The following RFX3 variants were observed in gnomAD, a reference collection of about 807,000 sequenced individuals.
RFX3 encodes the protein regulatory factor X3, also known as transcription factor RFX3.
A neutral mutation model predicts 98.6 loss-of-function variants in RFX3; 14 were observed. That is an observed-to-expected ratio of 0.14 (90% CI 0.09 to 0.22). The LOEUF (loss-of-function observed/expected upper bound fraction) is 0.22. RFX3 is among the 10% of genes least tolerant of loss of function. The pLI, the probability that RFX3 is intolerant of heterozygous loss-of-function variation, is 1.00. For synonymous variants in RFX3, 383 were observed against 328.4 expected (o/e 1.17, Z -1.80); for missense variants, 639 against 926.9 (o/e 0.69, Z 4.03).
intron 4 of RFX3, among the ~76,000 whole-genome samples, chr9:3,304,051 CAAGG>C (rs923797283): frequency 3.9e-5 from 6 of 151,942 alleles, no homozygotes; most frequent in African/African-American, 1.5e-4. Context: ...AGTTCTTCTA[CAAGG>C]AAGACACCAG....
chr9:3,410,941 A>G lies in RFX3; in HGVS notation c.-8-15345T>C, dbSNP rs117019377. Among the ~76,000 whole-genome samples, 588 of 152,324 alleles carry G rather than the reference A, an allele frequency of 3.9e-3. 4 individuals carry two copies. The highest frequency in any genetic ancestry group is 6.9e-3 in the Non-Finnish European group (472 of 68,036). On this transcript the variant is annotated intron_variant, in intron 1 of 16. Coordinates refer to ENST00000617270, the MANE Select transcript of RFX3 (RefSeq NM_001282116.2). ...AAGCAGTATTTCTGTAATATATTAAAGCAAGGTAGAAGCAAACACCTCCCA... is the reference window on the plus strand; with the variant it reads ...AAGCAGTATTTCTGTAATATATTAAGGCAAGGTAGAAGCAAACACCTCCCA...
intron 5 of RFX3, among the ~76,000 whole-genome samples, chr9:3,298,240 T>C (rs1828233721): frequency 6.6e-6 from 1 of 151,820 alleles, no homozygotes; most frequent in African/African-American, 2.4e-5. Context: ...AAAAGAGTTA[T>C]TTACTCTTAA....
chr9:3,334,974 T>C (rs13288291), intron 3 of RFX3, among the ~76,000 whole-genome samples: 6,450 of 151,854 alleles, frequency 0.042, 165 homozygotes, highest in Non-Finnish European at 0.056. Flanking sequence ...TACAAAAAAT[T>C]AGCCAGGCAT....
rs7867883 is a variant in RFX3, at chr9:3,250,702, G to C, written c.1815-2517C>G. Among the ~76,000 whole-genome samples the C allele has an allele frequency of 2.1e-3, 315 of 151,988 alleles. 1 individual carries two copies. Among genetic ancestry groups the C allele is most frequent in the African/African-American group, 7.2e-3 (299 of 41,460 alleles). On this transcript the variant is annotated intron_variant, in intron 14 of 16. Transcript: ENST00000617270. ...TAAATATCATTAAAAAGATAATCTA[G>C]TAGGATGCTGATTAAACAAGTTATG...
intron 4 of RFX3, among the ~76,000 whole-genome samples, chr9:3,321,837 TTC>T (rs1000296744): frequency 3.5e-4 from 54 of 152,220 alleles, no homozygotes; most frequent in Middle Eastern, 3.4e-3. Context: ...CAATCTAATT[TTC>T]TTTTATAAAT....
chr9:3,222,578 C>T lies in RFX3; in HGVS notation c.*2464G>A, dbSNP rs1189718976. The T allele has an allele frequency of 6.6e-6, 1 of 152,080 alleles. No homozygotes were observed. The highest frequency in any genetic ancestry group is 1.5e-5 in the Non-Finnish European group (1 of 68,004). The allele number at this position is 152,080 out of a possible 1,614,324, so 9.4% of individuals were successfully genotyped here. A position where few individuals can be genotyped will look rare whatever the true frequency, so the allele number is the denominator to read the frequency against. On this transcript the variant is annotated 3_prime_UTR_variant, in exon 17 of 17. Coordinates refer to ENST00000617270, the MANE Select transcript of RFX3 (RefSeq NM_001282116.2). ...ATTTGGTCCAATACAGATATAGTATCACTCAAAGGATGGCGGGTAGAGACA... is the reference window on the plus strand; with the variant it reads ...ATTTGGTCCAATACAGATATAGTATTACTCAAAGGATGGCGGGTAGAGACA...
chr9:3,307,903 C>G (rs1358140277), intron 4 of RFX3, among the ~76,000 whole-genome samples: 7 of 152,060 alleles, frequency 4.6e-5, no homozygotes, highest in Non-Finnish European at 1.5e-5. Flanking sequence ...CTCTTAGATT[C>G]TTTCAATTTT....
At chr9:3,501,420 T>C (rs1263386886) in intron 1 of RFX3, among the ~76,000 whole-genome samples, 1 of 152,036 alleles carries the variant, frequency 6.6e-6, no homozygotes, top group African/African-American at 2.4e-5. Context: ...ATAAAATTAC[T>C]CCGAGGGCCA....
At chr9:3,354,214 A>G (rs1410760411) in intron 2 of RFX3, among the ~76,000 whole-genome samples, 1 of 152,066 alleles carries the variant, frequency 6.6e-6, no homozygotes, top group Non-Finnish European at 1.5e-5. Flanking sequence ...AACAGAAAAC[A>G]TACTGAATAA....
intron 15 of RFX3, among the ~76,000 whole-genome samples, chr9:3,235,011 TG>T (rs1818947265): frequency 6.6e-6 from 1 of 152,218 alleles, no homozygotes; most frequent in African/African-American, 2.4e-5. Context: ...CCACTTTCGC[TG>T]GGTACTTGCA....
intron 1 of RFX3, among the ~76,000 whole-genome samples, chr9:3,497,432 T>C (rs1358305872): frequency 2.6e-5 from 4 of 151,994 alleles, no homozygotes; most frequent in Non-Finnish European, 5.9e-5. Flanking sequence ...AACCTCGTGG[T>C]GAAACTTCCA....
At chr9:3,233,736 G>A (rs1380641082) in intron 15 of RFX3, among the ~76,000 whole-genome samples, 1 of 152,218 alleles carries the variant, frequency 6.6e-6, no homozygotes, top group African/African-American at 2.4e-5. Context: ...GCCATCGCTT[G>A]CTAATTGTTT....
chr9:3,406,597 C>A (rs1008098837), intron 1 of RFX3, among the ~76,000 whole-genome samples: 2 of 152,102 alleles, frequency 1.3e-5, no homozygotes, highest in Non-Finnish European at 2.9e-5. Context: ...AATATATACA[C>A]AGAATCTTTG....
intron 9 of RFX3, among the ~76,000 whole-genome samples, chr9:3,272,749 C>T (rs1403372403): frequency 1.3e-5 from 2 of 152,230 alleles, no homozygotes; most frequent in East Asian, 3.9e-4. Context: ...TGTAAGAACA[C>T]TTCTTTTAAC....
chr9:3,437,698 T>G (rs1845267534), intron 1 of RFX3, among the ~76,000 whole-genome samples: 1 of 152,036 alleles, frequency 6.6e-6, no homozygotes, highest in African/African-American at 2.4e-5. Flanking sequence ...GGTGCTGATT[T>G]GCCGGTTTCA....
intron 15 of RFX3, chr9:3,247,384 G>GAA: frequency 1.1e-6 from 1 of 938,958 alleles, no homozygotes; most frequent in Non-Finnish European, 1.3e-6. Flanking sequence ...GACTGTGTTT[G>GAA]AAAAAAAAAT....
At chr9:3,463,753 T>A (rs951425462) in intron 1 of RFX3, among the ~76,000 whole-genome samples, 4 of 151,984 alleles carry the variant, frequency 2.6e-5, no homozygotes, top group Non-Finnish European at 4.4e-5. Flanking sequence ...GGAGGATCGT[T>A]TGAGCCTAGG....
chr9:3,309,353 T>A (rs1184814540), intron 4 of RFX3, among the ~76,000 whole-genome samples: 1 of 152,102 alleles, frequency 6.6e-6, no homozygotes, highest in Admixed American at 6.6e-5. Flanking sequence ...GCACCTATTA[T>A]CTCCTGGGAG....
chr9:3,393,719 G>C, intron 2 of RFX3, among the ~76,000 whole-genome samples: 1 of 147,062 alleles, frequency 6.8e-6, no homozygotes, highest in East Asian at 1.9e-4. Flanking sequence ...ATTTTTAATG[G>C]TTAAAAAATA....
Sources: gnomAD v4.1 joint callset for allele counts (sites outside exome capture counted in the v4.1 genomes callset) on GRCh38, gnomAD v4.1.1 for gene constraint, MANE v1.5 for transcripts, NCBI Gene and HGNC (gene_info 2026-07-23, HGNC 2026-07-21) for gene names.